NAALADL2: variants seen among roughly 807,000 people sequenced by gnomAD.
NAALADL2 encodes inactive N-acetylated-alpha-linked acidic dipeptidase-like protein 2.
Under a neutral mutation model 87.2 loss-of-function variants are expected in NAALADL2, and 76 were observed. The observed-to-expected ratio is 0.87, with a 90% CI of 0.72 to 1.05. The LOEUF (loss-of-function observed/expected upper bound fraction) is 1.05, where lower values mean the gene tolerates loss of function less well. NAALADL2 is among the 50% of genes least tolerant of loss of function. The pLI, the probability that NAALADL2 is intolerant of heterozygous loss-of-function variation, is 0.00. For missense variants in NAALADL2, 1,089 were observed against 945.8 expected (o/e 1.15, Z -1.99); for synonymous variants, 354 against 331.0 (o/e 1.07, Z -0.75).
In NAALADL2 at chr3:174,883,294, T is replaced by G. The variant is rs143404715; in HGVS notation, c.43+23844T>G. Among the ~76,000 whole-genome samples, 205 of 152,184 alleles carry G rather than the reference T, an allele frequency of 1.3e-3. No individual in the cohort carries two copies. In the East Asian group the frequency reaches 0.036, roughly 27 times the overall value. On this transcript the variant is annotated intron_variant, in intron 1 of 13. Coordinates refer to ENST00000454872, the MANE Select transcript of NAALADL2 (RefSeq NM_207015.3). ...CAATGCTTTGTATCGTTCAGTCCACTCAAGTTGGCACTCAGTATTAACCAT... is the reference window on the plus strand; with the variant it reads ...CAATGCTTTGTATCGTTCAGTCCACGCAAGTTGGCACTCAGTATTAACCAT...
intron 2 of NAALADL2, among the ~76,000 whole-genome samples, chr3:174,626,021 C>T (rs1721538698): frequency 6.6e-6 from 1 of 150,862 alleles, no homozygotes. Flanking sequence ...AAAATGGTTT[C>T]ATTTCACTAA....
chr3:175,713,771 T>G (rs1465734347), intron 11 of NAALADL2, among the ~76,000 whole-genome samples: 1 of 152,114 alleles, frequency 6.6e-6, no homozygotes, highest in East Asian at 1.9e-4. Context: ...GGGATACATG[T>G]GCAGAATGTG....
intron 10 of NAALADL2, among the ~76,000 whole-genome samples, chr3:175,626,273 C>T (rs1050875933): frequency 6.6e-6 from 1 of 151,886 alleles, no homozygotes; most frequent in Non-Finnish European, 1.5e-5. Flanking sequence ...ATTTATCCCT[C>T]ATATTTTTTG....
At chr3:175,372,402 C>T (rs1273844348) in intron 5 of NAALADL2, among the ~76,000 whole-genome samples, 1 of 152,190 alleles carries the variant, frequency 6.6e-6, no homozygotes. Context: ...GTGGACTTCT[C>T]CAAATACTTC....
At chr3:175,625,503 A>G (rs955027292) in intron 10 of NAALADL2, among the ~76,000 whole-genome samples, 7 of 151,990 alleles carry the variant, frequency 4.6e-5, no homozygotes, top group African/African-American at 1.4e-4. Flanking sequence ...GTTTTTGATG[A>G]TATCATTTAA....
At chr3:175,130,359 C>G (rs571725841) in intron 2 of NAALADL2, among the ~76,000 whole-genome samples, 3 of 152,034 alleles carry the variant, frequency 2.0e-5, no homozygotes, top group Non-Finnish European at 2.9e-5. Flanking sequence ...TGTAGTCCCA[C>G]TTGTTTATTT....
At chr3:175,722,897 A>G (rs1369603640) in intron 11 of NAALADL2, among the ~76,000 whole-genome samples, 1 of 152,114 alleles carries the variant, frequency 6.6e-6, no homozygotes, top group Non-Finnish European at 1.5e-5. Context: ...ATTTCCTTGA[A>G]AAGAGTGAAC....
intron 9 of NAALADL2, among the ~76,000 whole-genome samples, chr3:175,491,829 C>T (rs1354893351): frequency 1.3e-5 from 2 of 152,094 alleles, no homozygotes; most frequent in African/African-American, 2.4e-5. Flanking sequence ...AGCAATGATA[C>T]AAATGTTATC....
chr3:174,541,567 GA>G (rs1035238957), intron 1 of NAALADL2, among the ~76,000 whole-genome samples: 3 of 152,140 alleles, frequency 2.0e-5, no homozygotes, highest in Admixed American at 1.3e-4. Flanking sequence ...GTATGTGCAT[GA>G]AAATACACTG....
chr3:175,089,093 A>T (rs1032768022), intron 1 of NAALADL2, among the ~76,000 whole-genome samples: 1 of 152,164 alleles, frequency 6.6e-6, no homozygotes, highest in Non-Finnish European at 1.5e-5. Flanking sequence ...TCCTCAGGGC[A>T]CTGTGCTTGG....
At chr3:175,111,524 A>G (rs982927591) in intron 2 of NAALADL2, among the ~76,000 whole-genome samples, 19 of 151,770 alleles carry the variant, frequency 1.3e-4, no homozygotes, top group Admixed American at 6.6e-5. Context: ...GGTAACCTAG[A>G]TATCAACTTA....
chr3:174,714,821 A>C (rs989703133), intron 2 of NAALADL2, among the ~76,000 whole-genome samples: 22 of 152,140 alleles, frequency 1.4e-4, no homozygotes, highest in South Asian at 6.2e-4. Context: ...CTGGCCAGAA[A>C]TTCCAACACT....
chr3:175,047,559 C>G (rs1219290796), intron 1 of NAALADL2, among the ~76,000 whole-genome samples: 1 of 152,006 alleles, frequency 6.6e-6, no homozygotes, highest in African/African-American at 2.4e-5. Flanking sequence ...TAGAAACATA[C>G]AACTTACCCA....
At position 174,551,670 on chromosome 3, in the gene NAALADL2, T is replaced by A. The variant is rs532295490; in HGVS notation, c.-115+1033T>A. 9.2e-5 allele frequency among the ~76,000 whole-genome samples: 14 copies of A among 152,352 alleles called. No individual in the cohort carries two copies. The South Asian group carries it at 2.9e-3, about 32-fold the overall frequency. ...GAAAGCAATGTTTTAAGCAGTTTAC[T>A]AATAACTAATATCCTAATAAGGTAG... On this transcript the variant is annotated intron_variant, in intron 2 of 3. Transcript: ENST00000434257.
At chr3:175,168,901 G>T (rs2108894079) in intron 2 of NAALADL2, among the ~76,000 whole-genome samples, 1 of 151,872 alleles carries the variant, frequency 6.6e-6, no homozygotes, top group South Asian at 2.1e-4. Flanking sequence ...GAATTTTATT[G>T]TTGTCCTCAA....
chr3:174,469,768 G>A (rs1277343771), intron 1 of NAALADL2, among the ~76,000 whole-genome samples: 2 of 151,988 alleles, frequency 1.3e-5, no homozygotes, highest in Non-Finnish European at 2.9e-5. Flanking sequence ...CACCTGGTTT[G>A]TGTTAAATGG....
At position 175,220,096 on chromosome 3, in the gene NAALADL2, G is replaced by A. The variant is rs924313046; in HGVS notation, c.546-13835G>A. 3.3e-5 allele frequency among the ~76,000 whole-genome samples: 5 copies of A among 151,280 alleles called. No homozygotes were observed. In the East Asian group the frequency reaches 9.7e-4, roughly 29 times the overall value. On this transcript the variant is annotated intron_variant, in intron 2 of 13. Coordinates refer to ENST00000454872, the MANE Select transcript of NAALADL2 (RefSeq NM_207015.3). ...AAAACAAATGCTACCAGGTCATAAT[G>A]CACTTGTCTTTTTATATAAATACAA...
intron 3 of NAALADL2, among the ~76,000 whole-genome samples, chr3:174,844,697 A>G (rs1724390735): frequency 6.9e-6 from 1 of 145,286 alleles, no homozygotes; most frequent in South Asian, 2.2e-4. Flanking sequence ...TTTTCAGTGG[A>G]GAGATCTTTT....
At chr3:175,472,248 A>G (rs1002847275) in intron 9 of NAALADL2, among the ~76,000 whole-genome samples, 50 of 152,138 alleles carry the variant, frequency 3.3e-4, no homozygotes, top group African/African-American at 1.2e-3. Flanking sequence ...TTACCTGTGG[A>G]AAAAGAAAAC....
Sources: allele counts gnomAD v4.1 joint callset (sites outside exome capture counted in the v4.1 genomes callset), GRCh38; gene constraint gnomAD v4.1.1; transcripts MANE v1.5; gene names NCBI Gene and HGNC (gene_info 2026-07-23, HGNC 2026-07-21).